The following ATP10B variants were observed in gnomAD, a reference collection of about 807,000 sequenced individuals.
ATP10B encodes the protein ATPase phospholipid transporting 10B (putative).
In ATP10B, 122 loss-of-function variants were observed where a neutral mutation model predicts 141.2. That is an observed-to-expected ratio of 0.86 (90% CI 0.75 to 1.00). ATP10B has a LOEUF of 1.00. ATP10B is among the 50% of genes least tolerant of loss of function. The probability of loss-of-function intolerance (pLI) is 0.00; values close to 1 mark genes in which losing one functional copy is unlikely to be tolerated. For synonymous variants in ATP10B, 685 were observed against 692.0 expected (o/e 0.99, Z 0.16); for missense variants, 1,876 against 1,825.3 (o/e 1.03, Z -0.51).
intron 8 of ATP10B, among the ~76,000 whole-genome samples, chr5:160,646,725 A>G (rs559292654): frequency 4.7e-4 from 71 of 152,294 alleles, no homozygotes; most frequent in African/African-American, 1.5e-3. Flanking sequence ...CTGAAGTGAT[A>G]GCATATGAGA....
intron 23 of ATP10B, among the ~76,000 whole-genome samples, chr5:160,590,069 T>C (rs931405986): frequency 1.3e-5 from 2 of 152,112 alleles, no homozygotes; most frequent in Admixed American, 6.5e-5. Context: ...GTACGTGCTA[T>C]AATAGAGGCA....
rs550018022 is a variant in ATP10B, at chr5:160,698,074, G to A, written c.-204-9131C>T. Among the ~76,000 whole-genome samples, 132 of 152,174 alleles carry A rather than the reference G, an allele frequency of 8.7e-4. 1 individual carries two copies. The South Asian group carries it at 0.026, about 30-fold the overall frequency. ...CTCCAATTTGGTGTATTTGGAGCTC[G>A]GATTTCTCCCTCGAACTTTACATCA... On this transcript the variant is annotated intron_variant, in intron 3 of 25. Transcript: ENST00000327245.
chr5:160,651,129 G>T (rs1760702801), intron 7 of ATP10B, among the ~76,000 whole-genome samples: 1 of 152,084 alleles, frequency 6.6e-6, no homozygotes, highest in Non-Finnish European at 1.5e-5. Context: ...TATGAAGTAG[G>T]AGCTTTAATT....
intron 7 of ATP10B, among the ~76,000 whole-genome samples, chr5:160,664,610 T>C (rs1266131050): frequency 1.3e-5 from 2 of 152,234 alleles, no homozygotes; most frequent in Non-Finnish European, 2.9e-5. Context: ...CCTGTTAAAA[T>C]GCAGATTCTG....
At chr5:160,908,215 AC>A in the ATP10B span, among the ~76,000 whole-genome samples, 1 of 152,132 alleles carries the variant, frequency 6.6e-6, no homozygotes. Context: ...CATCTACAAA[AC>A]AAAAAAGAAA....
intron 7 of ATP10B, among the ~76,000 whole-genome samples, chr5:160,665,925 A>C (rs940348365): frequency 2.0e-5 from 3 of 152,216 alleles, no homozygotes; most frequent in Non-Finnish European, 4.4e-5. Context: ...TATGTAAGAT[A>C]TTAAATTTCC....
upstream of ATP10B, among the ~76,000 whole-genome samples, chr5:160,856,104 T>C (rs753937569): frequency 1.3e-5 from 2 of 151,866 alleles, no homozygotes; most frequent in Admixed American, 6.6e-5. Context: ...TGTCTGTACC[T>C]AGAAAAAACT....
At chr5:160,675,870 G>T (rs1762998128) in intron 6 of ATP10B, among the ~76,000 whole-genome samples, 1 of 151,802 alleles carries the variant, frequency 6.6e-6, no homozygotes, top group South Asian at 2.1e-4. Context: ...GAAGCAGGGG[G>T]GTGGGGGAGG....
chr5:160,569,706 A>G, intron 24 of ATP10B, 23 bp from the exon 25 acceptor site: 1 of 1,523,068 alleles, frequency 6.6e-7, no homozygotes, highest in African/African-American at 1.4e-5. Flanking sequence ...ATAAGCAAAC[A>G]CTGTTGAAGG....
At chr5:160,868,440 T>G in the ATP10B span, among the ~76,000 whole-genome samples, 3 of 152,080 alleles carry the variant, frequency 2.0e-5, no homozygotes, top group East Asian at 1.9e-4. Context: ...GCCACTGTTA[T>G]GAAGTTTGTG....
Position 160,620,677 on chromosome 5 carries a change from C to A in ATP10B, c.2086G>T (p.Gly696Cys), listed in dbSNP as rs1206510881. ...DQGDILESGS[G>C]TSLEEALEAP... The stretch of plus-strand genomic sequence containing the variant: ...TCCAATGCCTCCTCCAAGGAAGTGC[C>A]TGACCCAGACTCCAGGATGTCGCCC... Residue 696 changes from glycine to cysteine, a missense_variant, in exon 15 of 26, where the codon GGC becomes TGC. By Grantham distance (159) the Gly-to-Cys change is radical. Coordinates refer to ENST00000327245, the MANE Select transcript of ATP10B (RefSeq NM_025153.3). 1 of 1,613,744 alleles carries A rather than the reference C, an allele frequency of 6.2e-7. No homozygotes were observed. Among genetic ancestry groups the A allele is most frequent in the Non-Finnish European group, 8.5e-7 (1 of 1,179,796 alleles).
At chr5:160,674,526 C>T (rs1762908379) in intron 6 of ATP10B, among the ~76,000 whole-genome samples, 1 of 152,202 alleles carries the variant, frequency 6.6e-6, no homozygotes, top group African/African-American at 2.4e-5. Flanking sequence ...AAGGAGGTCA[C>T]TGCTCTACTG....
chr5:160,847,867 G>A (rs552542206), intron 1 of ATP10B, among the ~76,000 whole-genome samples: 39 of 152,122 alleles, frequency 2.6e-4, no homozygotes, highest in South Asian at 1.9e-3. Context: ...TTCTAGTGTC[G>A]GTATTGCTTT....
the ATP10B span, among the ~76,000 whole-genome samples, chr5:160,884,768 A>T: frequency 2.0e-5 from 3 of 152,252 alleles, no homozygotes; most frequent in Non-Finnish European, 4.4e-5. Context: ...GCAGTCATAC[A>T]TTTAAGCAAA....
In ATP10B at chr5:160,640,485, G is replaced by A. The variant is rs768452670; in HGVS notation, c.976C>T (p.Leu326Phe). The change falls in exon 10 of 26, where the codon CTC becomes TTC. Residue 326 changes from leucine to phenylalanine, a missense_variant. Coordinates refer to ENST00000327245, the MANE Select transcript of ATP10B (RefSeq NM_025153.3). Reference protein sequence around the residue: ...DIFFCIGILILMCLIGAVGHS... With the variant: ...DIFFCIGILIFMCLIGAVGHS... ...CCTACAGCTCCAATAAGGCACATGAGGATGAGGATCCCAATGCAGAAGAAG... is the reference window on the plus strand; with the variant it reads ...CCTACAGCTCCAATAAGGCACATGAAGATGAGGATCCCAATGCAGAAGAAG... 6.2e-7 allele frequency: 1 copy of A among 1,614,080 alleles called. No homozygotes were observed. Among genetic ancestry groups the A allele is most frequent in the Non-Finnish European group, 8.5e-7 (1 of 1,179,964 alleles).
intron 2 of ATP10B, among the ~76,000 whole-genome samples, chr5:160,773,069 C>CTTTA (rs59898398): frequency 0.33 from 41,231 of 125,844 alleles, 6,353 homozygotes; most frequent in Middle Eastern, 0.39. Flanking sequence ...TATTTGTTGT[C>CTTTA]GTTGTTAATT....
intron 15 of ATP10B, among the ~76,000 whole-genome samples, chr5:160,619,466 A>G (rs1458853509): frequency 6.6e-6 from 1 of 152,158 alleles, no homozygotes; most frequent in African/African-American, 2.4e-5. Context: ...GAAGTACTGA[A>G]TTCACTTGTC....
chr5:160,725,749 A>G (rs1194604477), intron 2 of ATP10B, among the ~76,000 whole-genome samples: 2 of 152,212 alleles, frequency 1.3e-5, no homozygotes, highest in South Asian at 2.1e-4. Context: ...CCGGCCTACT[A>G]TGGGATTCTT....
At chr5:160,715,936 C>G (rs927923717) in intron 3 of ATP10B, among the ~76,000 whole-genome samples, 3 of 152,018 alleles carry the variant, frequency 2.0e-5, no homozygotes, top group Non-Finnish European at 4.4e-5. Context: ...GTCTTGAACT[C>G]CTGACCTCGT....
Sources: gnomAD v4.1 joint callset for allele counts (sites outside exome capture counted in the v4.1 genomes callset) on GRCh38, gnomAD v4.1.1 for gene constraint, MANE v1.5 for transcripts, NCBI Gene and HGNC (gene_info 2026-07-23, HGNC 2026-07-21) for gene names.